TBCD: variants seen among roughly 807,000 people sequenced by gnomAD.
The protein encoded by TBCD is tubulin folding cofactor D, also known as tubulin-specific chaperone D.
A neutral mutation model predicts 169.3 loss-of-function variants in TBCD; 105 were observed. The observed-to-expected ratio is 0.62, with a 90% CI of 0.53 to 0.73. The LOEUF (loss-of-function observed/expected upper bound fraction) is 0.73. Among genes scored for constraint, TBCD ranks in the 30% least tolerant of loss-of-function variants. The pLI, the probability that TBCD is intolerant of heterozygous loss-of-function variation, is 0.00. For synonymous variants in TBCD, 700 were observed against 643.9 expected (o/e 1.09, Z -1.32); for missense variants, 1,444 against 1,600.1 (o/e 0.90, Z 1.66).
In TBCD at chr17:82,873,439, T is replaced by G. The variant is rs116377302; in HGVS notation, c.1475+3059T>G. Among the ~76,000 whole-genome samples, 1,122 of 152,182 alleles carry G rather than the reference T, an allele frequency of 7.4e-3. 12 individuals are homozygous for G. Among genetic ancestry groups the G allele is most frequent in the African/African-American group, 0.026 (1,083 of 41,532 alleles). On this transcript the variant is annotated intron_variant, in intron 14 of 38. Coordinates refer to ENST00000355528, the MANE Select transcript of TBCD (RefSeq NM_005993.5). ...TGGGTTCTCTGTTTTGGGGGAAAGC[T>G]GATCCCACTGGAGGGTGACTGTAAT...
At chr17:82,761,016 A>T (rs142619756) in intron 2 of TBCD, among the ~76,000 whole-genome samples, 3 of 151,758 alleles carry the variant, frequency 2.0e-5, no homozygotes, top group African/African-American at 7.3e-5. Context: ...CTGGAGTGTA[A>T]TGGCGTGATC....
intron 37 of TBCD, 47 bp downstream of exon 37, chr17:82,939,523 C>T (rs778509358): frequency 2.1e-6 from 3 of 1,452,216 alleles, no homozygotes; most frequent in Admixed American, 1.8e-5. Context: ...TGGCACCGCC[C>T]CTCTTCCTGT....
intron 38 of TBCD, 197 bp downstream of exon 38, chr17:82,941,680 G>A: frequency 1.7e-6 from 1 of 580,394 alleles, no homozygotes; most frequent in Non-Finnish European, 3.0e-6. Flanking sequence ...GGCCCCTGTG[G>A]CATCCAGGCC....
At chr17:82,942,304 G>A in intron 38 of TBCD, 145 bp from the exon 39 acceptor site, 1 of 1,173,654 alleles carries the variant, frequency 8.5e-7, no homozygotes, top group Non-Finnish European at 1.2e-6. Flanking sequence ...AGCTCAGGCT[G>A]CCGGGTGTGT....
At chr17:82,888,282 G>A (rs1447647322) in intron 15 of TBCD, among the ~76,000 whole-genome samples, 1 of 152,246 alleles carries the variant, frequency 6.6e-6, no homozygotes, top group East Asian at 1.9e-4. Context: ...ATGCTGCTGT[G>A]CATAGTCAGC....
intron 27 of TBCD, 114 bp downstream of exon 27, chr17:82,925,171 GA>G: frequency 1.2e-6 from 1 of 861,556 alleles, no homozygotes; most frequent in Non-Finnish European, 1.7e-6. Context: ...TTGTAGCTGG[GA>G]GGGGGTTCCT....
chr17:82,936,160 C>T (rs2062605622), intron 34 of TBCD, among the ~76,000 whole-genome samples: 1 of 152,216 alleles, frequency 6.6e-6, no homozygotes, highest in Non-Finnish European at 1.5e-5. Context: ...CCCTCGGTCA[C>T]CCCCTCTGCA....
At chr17:82,759,322 A>C (rs2047623815) in intron 2 of TBCD, among the ~76,000 whole-genome samples, 1 of 152,076 alleles carries the variant, frequency 6.6e-6, no homozygotes, top group Non-Finnish European at 1.5e-5. Flanking sequence ...CTCTACTAAA[A>C]ATACAAAAAT....
At chr17:82,812,943 C>T (rs1449486114) in intron 12 of TBCD, among the ~76,000 whole-genome samples, 46 of 152,130 alleles carry the variant, frequency 3.0e-4, no homozygotes, top group Non-Finnish European at 1.5e-4. Flanking sequence ...CCTCAGCCTC[C>T]GAGTAGCTAG....
At chr17:82,838,951 C>T (rs2054221703) in intron 13 of TBCD, 33 of 985,380 alleles carry the variant, frequency 3.3e-5, no homozygotes, top group Non-Finnish European at 4.0e-5. Flanking sequence ...TGTGGACGGA[C>T]TGTGCTTGGT....
chr17:82,872,163 T>C (rs2145999282), intron 14 of TBCD, among the ~76,000 whole-genome samples: 1 of 152,330 alleles, frequency 6.6e-6, no homozygotes, highest in East Asian at 1.9e-4. Flanking sequence ...AGGGTCCTCC[T>C]CCTATCCAGG....
In TBCD at chr17:82,944,464, G is replaced by A. The variant is rs964224307; in HGVS notation, c.*2001G>A. ...GAACAAGCAAGCACCATCAAGGCAG[G>A]CAACACTGAGTGCTATGAACAAAGA... On this transcript the variant is annotated 3_prime_UTR_variant, in exon 39 of 39. Transcript: ENST00000355528. 9 of 152,248 alleles carry A rather than the reference G, an allele frequency of 5.9e-5. No individual in the cohort carries two copies. Among genetic ancestry groups the A allele is most frequent in the African/African-American group, 2.2e-4 (9 of 41,460 alleles). 9.4% of individuals were successfully genotyped at this position (152,248 alleles called of 1,614,324 possible). A position where few individuals can be genotyped will look rare whatever the true frequency, so the allele number is the denominator to read the frequency against.
rs913792625 is a variant in TBCD, at chr17:82,782,116, T to C, written c.771+395T>C. ...CTGTTCCTTTGCACTGGGCTCGGGT[T>C]GGATGTTCCTGACTGCTTCGTTGGG... is the stretch of plus-strand genomic sequence containing the variant. On this transcript the variant is annotated intron_variant, in intron 7 of 38. Coordinates refer to ENST00000355528, the MANE Select transcript of TBCD (RefSeq NM_005993.5). This position sits in a 1 kb window ranked among gnomAD's most constrained non-coding sequence, Gnocchi z 5.1. Among the ~76,000 whole-genome samples the C allele has an allele frequency of 2.6e-4, 39 of 152,256 alleles. No homozygotes were observed. The highest frequency in any genetic ancestry group is 8.9e-4 in the African/African-American group (37 of 41,468).
At chr17:82,799,593 T>G (rs1445743668) in intron 8 of TBCD, among the ~76,000 whole-genome samples, 1 of 151,584 alleles carries the variant, frequency 6.6e-6, no homozygotes, top group African/African-American at 2.4e-5. Flanking sequence ...AGTGTGCGAG[T>G]TTTCGTGTGC....
At chr17:82,916,005 C>A (rs2061003501) in intron 23 of TBCD, among the ~76,000 whole-genome samples, 2 of 152,220 alleles carry the variant, frequency 1.3e-5, no homozygotes, top group Non-Finnish European at 2.9e-5. Flanking sequence ...TATCTTAAAT[C>A]ACACAGGAGT....
chr17:82,850,031 TGCTG>T (rs1567886928), intron 13 of TBCD, among the ~76,000 whole-genome samples: 7 of 102,222 alleles, frequency 6.8e-5, no homozygotes, highest in African/African-American at 2.5e-4. Context: ...TTGTTGGCTG[TGCTG>T]TTGTTGGCTG....
intron 38 of TBCD, 166 bp downstream of exon 38, chr17:82,941,649 T>C (rs1376065760): frequency 1.5e-6 from 1 of 651,524 alleles, no homozygotes; most frequent in Non-Finnish European, 2.6e-6. Context: ...CTGCCTTCTC[T>C]GGCCACTGCC....
chr17:82,937,100 G>C, intron 34 of TBCD, 171 bp from the exon 35 acceptor site: 1 of 611,136 alleles, frequency 1.6e-6, no homozygotes, highest in Non-Finnish European at 2.9e-6. Flanking sequence ...CCGGCCTGTG[G>C]AGGTATTGGG....
In TBCD at chr17:82,932,685, G is replaced by T; in HGVS notation, c.3141G>T (p.Leu1047=). The change falls in exon 34 of 39, where the codon CTG becomes CTT. Residue 1047 remains leucine (L), a synonymous_variant. Transcript: ENST00000355528. The stretch of plus-strand genomic sequence containing the variant: ...TGTCCGTGCCGCTGCTGAAGACGCT[G>T]GACCACGTGCTCACCCACGGCTGCT... ...ERVSVPLLKT[L]DHVLTHGCFD... 1 of 1,613,844 alleles carries T rather than the reference G, an allele frequency of 6.2e-7. No homozygotes were observed. The highest frequency in any genetic ancestry group is 8.5e-7 in the Non-Finnish European group (1 of 1,179,880).
Sources: gnomAD v4.1 joint callset for allele counts (sites outside exome capture counted in the v4.1 genomes callset) on GRCh38, gnomAD v4.1.1 for gene constraint, Gnocchi (gnomAD v3.1) non-coding constraint, MANE v1.5 for transcripts, NCBI Gene and HGNC (gene_info 2026-07-23, HGNC 2026-07-21) for gene names.